The following PDE3B variants were observed in gnomAD, a reference collection of about 807,000 sequenced individuals.
The protein encoded by PDE3B is phosphodiesterase 3B.
Under a neutral mutation model 116.8 loss-of-function variants are expected in PDE3B, and 66 were observed. The ratio of observed to expected loss-of-function variants is 0.56; its 90% CI spans 0.46 to 0.69. PDE3B has a LOEUF of 0.69. PDE3B is among the 30% of genes least tolerant of loss of function. The pLI is 0.00. For missense variants in PDE3B, 1,384 were observed against 1,368.1 expected, an observed-to-expected ratio of 1.01 and a Z score of -0.18; for synonymous variants, 595 against 533.6, an observed-to-expected ratio of 1.12 and a Z score of -1.59.
chr11:14,777,266 C>T (rs1206857323), intron 2 of PDE3B, among the ~76,000 whole-genome samples: 1 of 152,062 alleles, frequency 6.6e-6, no homozygotes, highest in Non-Finnish European at 1.5e-5. Flanking sequence ...TGGGAAGTAA[C>T]AAAGAACCAA....
the PDE3B span, among the ~76,000 whole-genome samples, chr11:14,896,284 AG>A: frequency 6.6e-6 from 1 of 152,202 alleles, no homozygotes; most frequent in South Asian, 2.1e-4. Context: ...GTTCTATCCA[AG>A]TCACACAAGA....
chr11:14,846,899 T>C (rs1220861902), intron 12 of PDE3B, among the ~76,000 whole-genome samples: 1 of 152,140 alleles, frequency 6.6e-6, no homozygotes, highest in African/African-American at 2.4e-5. Flanking sequence ...TGGGGGACTT[T>C]AACACCCCAC....
At position 14,814,996 on chromosome 11, in the gene PDE3B, G is replaced by A. The variant is rs1022034614; in HGVS notation, c.1523-3187G>A. Among the ~76,000 whole-genome samples, 3 of 151,614 alleles carry A rather than the reference G, an allele frequency of 2.0e-5. No homozygotes were observed. In the East Asian group the frequency reaches 5.8e-4, roughly 29 times the overall value. ...AAAAAAGAAAAAAAAAAAAAGCTAG[G>A]TGTAGTGGCGGGTGCCTGTAATCCC... On this transcript the variant is annotated intron_variant, in intron 5 of 15. Transcript: ENST00000282096.
intron 12 of PDE3B, among the ~76,000 whole-genome samples, chr11:14,851,098 C>T (rs1183727108): frequency 6.6e-6 from 1 of 151,338 alleles, no homozygotes; most frequent in African/African-American, 2.4e-5. Flanking sequence ...GCTGGGATTA[C>T]AGGCGTGAGC....
At chr11:14,667,464 AAAAG>A (rs1453560631) in intron 1 of PDE3B, among the ~76,000 whole-genome samples, 1 of 150,586 alleles carries the variant, frequency 6.6e-6, no homozygotes, top group East Asian at 2.0e-4. Flanking sequence ...TAAATTAAAA[AAAAG>A]AAAATGTGGC....
intron 1 of PDE3B, among the ~76,000 whole-genome samples, chr11:14,657,333 A>G (rs1853742731): frequency 6.6e-6 from 1 of 152,210 alleles, no homozygotes; most frequent in African/African-American, 2.4e-5. Context: ...AACTGTATGT[A>G]AAAAAGTGAC....
intron 1 of PDE3B, among the ~76,000 whole-genome samples, chr11:14,707,412 A>T (rs1251493675): frequency 6.6e-6 from 1 of 152,016 alleles, no homozygotes; most frequent in Non-Finnish European, 1.5e-5. Flanking sequence ...TATCTTTCAC[A>T]GATAGCCTTG....
In PDE3B at chr11:14,675,418, T is replaced by C. The variant is rs377544414; in HGVS notation, c.978+30365T>C. The stretch of plus-strand genomic sequence containing the variant: ...GATAATTTACATATAATAAAATGCA[T>C]GGGCCTAAATGTTGAGTTGAAGTTT... On this transcript the variant is annotated intron_variant, in intron 1 of 15. Transcript: ENST00000282096. 3.9e-5 allele frequency among the ~76,000 whole-genome samples: 6 copies of C among 152,252 alleles called. No homozygotes were observed. In the South Asian group the frequency reaches 6.2e-4, roughly 16 times the overall value.
chr11:14,843,419 A>G (rs968354801), intron 11 of PDE3B, among the ~76,000 whole-genome samples: 6 of 152,212 alleles, frequency 3.9e-5, no homozygotes, highest in African/African-American at 1.4e-4. Context: ...AAGATATTAA[A>G]TTCCTAAATC....
In PDE3B at chr11:14,644,851, T is replaced by C. The variant is rs1446016612; in HGVS notation, c.776T>C (p.Leu259Pro). Residue 259 changes from leucine to proline, a missense_variant, in exon 1 of 16, where the codon CTG becomes CCG. Leu to Pro is a moderately conservative substitution (Grantham distance 98). This residue lies in a region of PDE3B where 956 missense variants were observed against 806.8 expected (regional missense o/e 1.18). Coordinates refer to ENST00000282096, the MANE Select transcript of PDE3B (RefSeq NM_000922.4). Reference sequence around the variant, plus strand: ...CTGGTGGGGGGCGCTGGCTGCCTGCTGGCCCTGGGGTTGGATCACTTCTTT... The same window carrying C: ...CTGGTGGGGGGCGCTGGCTGCCTGCCGGCCCTGGGGTTGGATCACTTCTTT... Reference protein sequence around the residue: ...SGLVGGAGCLLALGLDHFFQI... With the variant: ...SGLVGGAGCLPALGLDHFFQI... 11 of 1,612,738 alleles carry C rather than the reference T, an allele frequency of 6.8e-6. No homozygotes were observed. In the Admixed American group the frequency reaches 1.5e-4, roughly 22 times the overall value.
At chr11:14,730,909 A>T (rs1454109578) in intron 1 of PDE3B, among the ~76,000 whole-genome samples, 1 of 152,178 alleles carries the variant, frequency 6.6e-6, no homozygotes, top group Admixed American at 6.6e-5. Flanking sequence ...ATATGATAAA[A>T]CTGAATCATA....
chr11:14,880,427 T>G, the PDE3B span: 9 of 1,613,440 alleles, frequency 5.6e-6, no homozygotes, highest in Non-Finnish European at 7.6e-6. Flanking sequence ...AAAGGCAGGA[T>G]GCCAATCCAT....
At chr11:14,807,414 A>G (rs1858974462) in intron 5 of PDE3B, among the ~76,000 whole-genome samples, 1 of 152,196 alleles carries the variant, frequency 6.6e-6, no homozygotes, top group Non-Finnish European at 1.5e-5. Context: ...AAAAACAGTA[A>G]AAAGTTCTAA....
chr11:14,686,284 A>C (rs1348389950), intron 1 of PDE3B, among the ~76,000 whole-genome samples: 1 of 152,186 alleles, frequency 6.6e-6, no homozygotes, highest in Non-Finnish European at 1.5e-5. Flanking sequence ...TTCAACCCTT[A>C]TGTGCTAATG....
intron 1 of PDE3B, among the ~76,000 whole-genome samples, chr11:14,692,454 G>A (rs1855069983): frequency 6.6e-6 from 1 of 152,026 alleles, no homozygotes; most frequent in Non-Finnish European, 1.5e-5. Flanking sequence ...ACAAATTGGA[G>A]GTTTGTGGCA....
rs562275127 is a variant in PDE3B, at chr11:14,833,036, C to T, written c.2206+203C>T. On this transcript the variant is annotated intron_variant, in intron 10 of 15. Coordinates refer to ENST00000282096, the MANE Select transcript of PDE3B (RefSeq NM_000922.4). ...CGCGATCTTGGCCCACTGCAACCTC[C>T]GCCCCCCACGTTCAAGTGATTCTCC... is the stretch of plus-strand genomic sequence containing the variant. 4.6e-5 allele frequency among the ~76,000 whole-genome samples: 7 copies of T among 152,016 alleles called. No individual in the cohort carries two copies. In the South Asian group the frequency reaches 1.5e-3, roughly 32 times the overall value.
rs372451638 is a variant in PDE3B, at chr11:14,702,615, C to G, written c.978+57562C>G. On this transcript the variant is annotated intron_variant, in intron 1 of 15. Transcript: ENST00000282096. ...CTGTGTAGAACTGCACTGTCTAATACTAATCACTAGCTACATATGGCTATT... is the reference window on the plus strand; with the variant it reads ...CTGTGTAGAACTGCACTGTCTAATAGTAATCACTAGCTACATATGGCTATT... Among the ~76,000 whole-genome samples the G allele has an allele frequency of 1.9e-3, 285 of 151,710 alleles. 1 individual carries two copies. Among genetic ancestry groups the G allele is most frequent in the African/African-American group, 6.5e-3 (269 of 41,450 alleles).
At chr11:14,737,988 T>G (rs919948485) in intron 1 of PDE3B, among the ~76,000 whole-genome samples, 11 of 152,322 alleles carry the variant, frequency 7.2e-5, no homozygotes, top group Middle Eastern at 3.4e-3. Context: ...ATGGTGTATA[T>G]GTGCCACATT....
At chr11:14,652,572 CTTTATT>C (rs1437038230) in intron 1 of PDE3B, among the ~76,000 whole-genome samples, 2 of 152,046 alleles carry the variant, frequency 1.3e-5, no homozygotes, top group African/African-American at 4.8e-5. Flanking sequence ...TTACTCTGTT[CTTTATT>C]TTTAAGTGTA....
Sources: gnomAD v4.1 joint callset for allele counts (sites outside exome capture counted in the v4.1 genomes callset) on GRCh38, gnomAD v4.1.1 for gene constraint, gnomAD v4.1.1 regional missense constraint, MANE v1.5 for transcripts, NCBI Gene and HGNC (gene_info 2026-07-23, HGNC 2026-07-21) for gene names.